Variants in CCDC30 observed in about 807,000 individuals in gnomAD.
CCDC30 encodes coiled-coil domain containing 30, also known as coiled-coil domain-containing protein 30.
A neutral mutation model predicts 100.2 loss-of-function variants in CCDC30; 70 were observed. The observed-to-expected ratio is 0.70, with a 90% CI of 0.58 to 0.85. The LOEUF is 0.85. CCDC30 is among the 40% of genes least tolerant of loss of function. The probability of loss-of-function intolerance (pLI) is 0.00; values close to 1 mark genes in which losing one functional copy is unlikely to be tolerated. For missense variants in CCDC30, 652 were observed against 771.2 expected (o/e 0.85, Z 1.83); for synonymous variants, 233 against 269.5 (o/e 0.86, Z 1.33).
chr1:42,535,720 A>ATATATATATTATATATATAT (rs1644889453), intron 6 of CCDC30, among the ~76,000 whole-genome samples: 2 of 1,202 alleles, frequency 1.7e-3, no homozygotes, highest in African/African-American at 3.0e-3. Flanking sequence ...TATATATATA[A>ATATATATATTATATATATAT]ATTTTAAAAA....
chr1:42,526,050 C>T (rs113220834), intron 6 of CCDC30, among the ~76,000 whole-genome samples: 4,378 of 152,222 alleles, frequency 0.029, 223 homozygotes, highest in African/African-American at 0.099. Context: ...CTCTATCCCA[C>T]GTATTTCTGC....
chr1:42,592,282 A>T (rs1247005860), intron 10 of CCDC30: 2 of 152,194 alleles, frequency 1.3e-5, no homozygotes, highest in Non-Finnish European at 2.9e-5. Flanking sequence ...TCTCATCTTG[A>T]AATGTAATCC....
At chr1:42,644,805 G>C (rs1476026196) in exon 14 of CCDC30, 1 of 1,591,294 alleles carries the variant, frequency 6.3e-7, no homozygotes, top group East Asian at 2.2e-5. Flanking sequence ...TCGCAGAGGA[G>C]AGGTAAGATG....
intron 6 of CCDC30, chr1:42,500,372 AGAAC>A: frequency 7.0e-7 from 1 of 1,431,834 alleles, no homozygotes; most frequent in Non-Finnish European, 9.8e-7. Flanking sequence ...GAGGTGCGTG[AGAAC>A]GAGCGAAGTC....
At chr1:42,565,573 G>C (rs1310387953) in intron 6 of CCDC30, among the ~76,000 whole-genome samples, 2 of 152,062 alleles carry the variant, frequency 1.3e-5, no homozygotes, top group Non-Finnish European at 2.9e-5. Context: ...AGAACACTTC[G>C]ACACTGTGGG....
intron 6 of CCDC30, among the ~76,000 whole-genome samples, chr1:42,553,892 A>G (rs1645311000): frequency 6.6e-6 from 1 of 152,148 alleles, no homozygotes. Flanking sequence ...AAAATAAAAT[A>G]TTTATTTTTT....
rs145750146 is a variant in CCDC30 at position 42,464,987 on chromosome 1, A to C, written c.-92+1089A>C. Among the ~76,000 whole-genome samples the C allele has an allele frequency of 6.4e-3, 972 of 152,332 alleles. 9 individuals carry two copies. The highest frequency in any genetic ancestry group is 0.022 in the African/African-American group (934 of 41,572). ...GCAGCCTTTTCAATCTTGCACATTA[A>C]ATTGGAACTGGATAAAACCTAACTC... On this transcript the variant is annotated intron_variant, in intron 1 of 16. Coordinates refer to ENST00000668663, the Ensembl canonical transcript of CCDC30.
intron 7 of CCDC30, among the ~76,000 whole-genome samples, chr1:42,575,625 G>T (rs113866252): frequency 0.012 from 1,103 of 91,658 alleles, 13 homozygotes; most frequent in African/African-American, 0.042. Flanking sequence ...ACTCCAGCCT[G>T]GGCGACAGAG....
chr1:42,466,651 C>A (rs895709553), intron 1 of CCDC30, among the ~76,000 whole-genome samples: 1 of 151,454 alleles, frequency 6.6e-6, no homozygotes, highest in African/African-American at 2.4e-5. Flanking sequence ...TCCCGGGTTC[C>A]AGCGATTCTC....
chr1:42,640,461 C>T (rs888199654), intron 12 of CCDC30, among the ~76,000 whole-genome samples: 2 of 152,184 alleles, frequency 1.3e-5, no homozygotes, highest in African/African-American at 4.8e-5. Flanking sequence ...CAATCCTTAC[C>T]AATACATTAT....
In CCDC30 at chr1:42,536,610, A is replaced by G. The variant is rs1034173744; in HGVS notation, c.457-29686A>G. On this transcript the variant is annotated intron_variant, in intron 6 of 16. Coordinates refer to ENST00000668663, the Ensembl canonical transcript of CCDC30. ...TGAAAGTTGAAAGTGAGGTATTACC[A>G]TTCAGGAAGCTGTTTTCTTCTTCTT... 6 of 1,542,448 alleles carry G rather than the reference A, an allele frequency of 3.9e-6. No homozygotes were observed. Among genetic ancestry groups the G allele is most frequent in the East Asian group, 4.5e-5 (2 of 44,496 alleles).
intron 6 of CCDC30, among the ~76,000 whole-genome samples, chr1:42,507,946 C>T (rs1644420466): frequency 6.6e-6 from 1 of 152,200 alleles, no homozygotes; most frequent in Non-Finnish European, 1.5e-5. Flanking sequence ...AGAAGCATTA[C>T]AGCTTTTATC....
intron 6 of CCDC30, among the ~76,000 whole-genome samples, chr1:42,534,706 A>G (rs1644863234): frequency 6.6e-6 from 1 of 152,240 alleles, no homozygotes; most frequent in Non-Finnish European, 1.5e-5. Context: ...CAGCTACCAA[A>G]CAACAGCAAA....
In CCDC30 at chr1:42,465,266, G is replaced by A. The variant is rs545584630; in HGVS notation, c.-92+1368G>A. On this transcript the variant is annotated intron_variant, in intron 1 of 16. Coordinates refer to ENST00000668663, the Ensembl canonical transcript of CCDC30. Reference sequence around the variant, plus strand: ...ATCGAGGCTGCAGTGAGCTATGATCGCACCACTGCGCTCCAACCTGGGCTA... The same window carrying A: ...ATCGAGGCTGCAGTGAGCTATGATCACACCACTGCGCTCCAACCTGGGCTA... Among the ~76,000 whole-genome samples, 5 of 152,224 alleles carry A rather than the reference G, an allele frequency of 3.3e-5. No individual in the cohort carries two copies. The East Asian group carries it at 9.7e-4, about 29-fold the overall frequency.
At chr1:42,535,313 A>G (rs531685773) in intron 6 of CCDC30, among the ~76,000 whole-genome samples, 24 of 152,250 alleles carry the variant, frequency 1.6e-4, no homozygotes, top group African/African-American at 5.3e-4. Context: ...AGCATTTTCT[A>G]TAAGTGAGGA....
intron 8 of CCDC30, among the ~76,000 whole-genome samples, chr1:42,580,039 A>G (rs905522166): frequency 3.3e-5 from 5 of 152,184 alleles, no homozygotes; most frequent in Non-Finnish European, 2.9e-5. Flanking sequence ...GATGAGGGAT[A>G]ATCAAAGAGG....
At chr1:42,465,343 T>C (rs1643538198) in intron 1 of CCDC30, among the ~76,000 whole-genome samples, 2 of 151,686 alleles carry the variant, frequency 1.3e-5, no homozygotes, top group Non-Finnish European at 2.9e-5. Flanking sequence ...TCTAGGACAG[T>C]TTTTTTTGTT....
chr1:42,514,921 G>A (rs940439988), intron 6 of CCDC30, among the ~76,000 whole-genome samples: 1 of 151,590 alleles, frequency 6.6e-6, no homozygotes, highest in African/African-American at 2.4e-5. Flanking sequence ...CCAAAGTGCT[G>A]GGATTACAGG....
chr1:42,600,598 T>C (rs948293392), intron 10 of CCDC30, among the ~76,000 whole-genome samples: 2 of 152,036 alleles, frequency 1.3e-5, no homozygotes, highest in Non-Finnish European at 2.9e-5. Context: ...ATGCAATGTA[T>C]GCTCTCAGAC....
Sources: gnomAD v4.1 joint callset for allele counts (sites outside exome capture counted in the v4.1 genomes callset) on GRCh38, gnomAD v4.1.1 for gene constraint, MANE v1.5 for transcripts, NCBI Gene and HGNC (gene_info 2026-07-23, HGNC 2026-07-21) for gene names.